The following NXPH2 variants were observed in gnomAD, a reference collection of about 807,000 sequenced individuals.
The protein encoded by NXPH2 is neurexophilin-2.
A neutral mutation model predicts 19.8 loss-of-function variants in NXPH2; 5 were observed. The ratio of observed to expected loss-of-function variants is 0.25; its 90% CI spans 0.13 to 0.53. The LOEUF (loss-of-function observed/expected upper bound fraction) is 0.53. NXPH2 is among the 20% of genes least tolerant of loss of function. The pLI is 0.96. For synonymous variants in NXPH2, 154 were observed against 127.4 expected (o/e 1.21, Z -1.41); for missense variants, 289 against 322.8 (o/e 0.90, Z 0.80).
At chr2:138,746,798 C>T (rs149612444) in intron 1 of NXPH2, among the ~76,000 whole-genome samples, 1 of 152,116 alleles carries the variant, frequency 6.6e-6, no homozygotes, top group African/African-American at 2.4e-5. Flanking sequence ...TTGTCTAACC[C>T]ACAGAAGTTC....
intron 1 of NXPH2, among the ~76,000 whole-genome samples, chr2:138,746,643 G>A (rs1290766914): frequency 6.6e-6 from 1 of 152,146 alleles, no homozygotes; most frequent in East Asian, 1.9e-4. Flanking sequence ...GTCAAATTGA[G>A]CACATGGGAA....
intron 1 of NXPH2, among the ~76,000 whole-genome samples, chr2:138,702,719 G>T (rs1050454512): frequency 2.6e-5 from 4 of 152,084 alleles, no homozygotes; most frequent in South Asian, 2.1e-4. Context: ...AGTACAAAAT[G>T]TTGCTGCCTC....
At chr2:138,671,745 G>A in intron 1 of NXPH2, 80 bp from the exon 2 acceptor site, 1 of 1,380,102 alleles carries the variant, frequency 7.2e-7, no homozygotes, top group Non-Finnish European at 9.7e-7. Context: ...AAGCGCAAGG[G>A]AAATTATTTC....
intron 1 of NXPH2, among the ~76,000 whole-genome samples, chr2:138,755,661 G>A (rs1268804073): frequency 6.6e-6 from 1 of 152,002 alleles, no homozygotes; most frequent in Non-Finnish European, 1.5e-5. Context: ...TCTAGGTATT[G>A]GACTTTCTAT....
chr2:138,753,907 T>C (rs1353352586), intron 1 of NXPH2, among the ~76,000 whole-genome samples: 1 of 152,202 alleles, frequency 6.6e-6, no homozygotes, highest in African/African-American at 2.4e-5. Context: ...CTGTTAGTTT[T>C]ACAGACTCCA....
chr2:138,698,126 G>A (rs1428757077), intron 1 of NXPH2, among the ~76,000 whole-genome samples: 2 of 152,010 alleles, frequency 1.3e-5, no homozygotes, highest in African/African-American at 2.4e-5. Flanking sequence ...TCACTACAAT[G>A]TTATTTATAC....
chr2:138,709,193 C>T (rs1180507190), intron 1 of NXPH2, among the ~76,000 whole-genome samples: 1 of 152,108 alleles, frequency 6.6e-6, no homozygotes, highest in African/African-American at 2.4e-5. Context: ...GACGGTACAA[C>T]AGCCCCTTCT....
intron 1 of NXPH2, among the ~76,000 whole-genome samples, chr2:138,680,900 A>AT (rs1188217804): frequency 8.5e-5 from 13 of 152,204 alleles, no homozygotes; most frequent in East Asian, 1.9e-4. Context: ...CAACAGTTAT[A>AT]TTTTTTTCCC....
At chr2:138,724,133 T>G (rs539399652) in intron 1 of NXPH2, among the ~76,000 whole-genome samples, 1 of 152,280 alleles carries the variant, frequency 6.6e-6, no homozygotes, top group Non-Finnish European at 1.5e-5. Context: ...GTTGTTCCCC[T>G]CTATGTGTCC....
chr2:138,735,820 G>A (rs1681529836), intron 1 of NXPH2, among the ~76,000 whole-genome samples: 1 of 152,160 alleles, frequency 6.6e-6, no homozygotes. Context: ...AGATACAATG[G>A]GGGGTACAGG....
rs1291040954 is a variant in NXPH2, at chr2:138,750,093, C to T, written c.51+30098G>A. On this transcript the variant is annotated intron_variant, in intron 1 of 1. Coordinates refer to ENST00000272641, the MANE Select transcript of NXPH2 (RefSeq NM_007226.3). ...ACAGAAAATACACAAGGGATACATA[C>T]ACGATGATGTTCAGGGTGACAGGAG... Among the ~76,000 whole-genome samples, 3 of 152,150 alleles carry T rather than the reference C, an allele frequency of 2.0e-5. No homozygotes were observed. The East Asian group carries it at 5.8e-4, about 29-fold the overall frequency.
chr2:138,753,922 T>C (rs76090288), intron 1 of NXPH2, among the ~76,000 whole-genome samples: 1,863 of 152,294 alleles, frequency 0.012, 16 homozygotes, highest in Middle Eastern at 0.024. Context: ...ACTCCACTCA[T>C]CATTCATATA....
intron 1 of NXPH2, among the ~76,000 whole-genome samples, chr2:138,702,009 G>A (rs1371041748): frequency 1.3e-5 from 2 of 149,758 alleles, no homozygotes; most frequent in Non-Finnish European, 2.9e-5. Flanking sequence ...GGAATATCAG[G>A]AGAATTCTCT....
chr2:138,696,296 T>C (rs1320892576), intron 1 of NXPH2, among the ~76,000 whole-genome samples: 1 of 152,108 alleles, frequency 6.6e-6, no homozygotes, highest in African/African-American at 2.4e-5. Context: ...TGGAATAGAA[T>C]AGAGAATCCA....
chr2:138,749,307 T>A (rs4954955), intron 1 of NXPH2, among the ~76,000 whole-genome samples: 73,867 of 152,060 alleles, frequency 0.49, 20,060 homozygotes, highest in East Asian at 0.9. Flanking sequence ...TATGGAACTT[T>A]GAGTCAATTA....
At chr2:138,753,583 C>T (rs147124196) in intron 1 of NXPH2, among the ~76,000 whole-genome samples, 3 of 152,206 alleles carry the variant, frequency 2.0e-5, no homozygotes, top group African/African-American at 7.2e-5. Flanking sequence ...TATGTGTATG[C>T]TAACTTGTAA....
At chr2:138,729,590 T>C (rs1478375981) in intron 1 of NXPH2, among the ~76,000 whole-genome samples, 1 of 152,226 alleles carries the variant, frequency 6.6e-6, no homozygotes. Context: ...TCCTGCTGCA[T>C]TTAGAACACA....
chr2:138,671,795 A>G (rs975159209), intron 1 of NXPH2, 130 bp from the exon 2 acceptor site: 3 of 910,292 alleles, frequency 3.3e-6, no homozygotes, highest in Non-Finnish European at 4.8e-6. Context: ...TTTCACACAC[A>G]CAGCCGGGCT....
chr2:138,680,656 A>G (rs1366292466), intron 1 of NXPH2, among the ~76,000 whole-genome samples: 1 of 152,138 alleles, frequency 6.6e-6, no homozygotes, highest in Non-Finnish European at 1.5e-5. Flanking sequence ...TGCTAATCCT[A>G]ATTAAGGGAA....
Sources: gnomAD v4.1 joint callset for allele counts (sites outside exome capture counted in the v4.1 genomes callset) on GRCh38, gnomAD v4.1.1 for gene constraint, MANE v1.5 for transcripts, NCBI Gene and HGNC (gene_info 2026-07-23, HGNC 2026-07-21) for gene names.